The following BCAR3 variants were observed in gnomAD, a reference collection of about 807,000 sequenced individuals.
The protein encoded by BCAR3 is breast cancer anti-estrogen resistance protein 3.
BCAR3 carries 37 observed loss-of-function variants against 80.1 expected under a neutral mutation model. The observed-to-expected ratio is 0.46, with a 90% confidence interval of 0.36 to 0.61. The LOEUF (loss-of-function observed/expected upper bound fraction) is 0.61. BCAR3 is among the 20% of genes least tolerant of loss of function. The pLI is 0.00. For missense variants in BCAR3, 978 were observed against 1,068.2 expected (o/e 0.92, Z 1.18); for synonymous variants, 389 against 418.9 (o/e 0.93, Z 0.87).
chr1:93,647,177 G>A (rs1214751100), intron 2 of BCAR3, among the ~76,000 whole-genome samples: 2 of 152,168 alleles, frequency 1.3e-5, no homozygotes, highest in Non-Finnish European at 2.9e-5. Context: ...ATTTAAAGAG[G>A]TATTTTTGGT....
intron 2 of BCAR3, among the ~76,000 whole-genome samples, chr1:93,830,164 TA>T (rs1282292782): frequency 6.6e-6 from 1 of 152,184 alleles, no homozygotes; most frequent in Non-Finnish European, 1.5e-5. Flanking sequence ...CTCTTTTTTT[TA>T]TAAATTACCC....
At chr1:93,839,839 G>A (rs1242187976) in intron 2 of BCAR3, among the ~76,000 whole-genome samples, 1 of 152,120 alleles carries the variant, frequency 6.6e-6, no homozygotes, top group African/African-American at 2.4e-5. Flanking sequence ...GAATACCTAA[G>A]CCCTAAACCA....
chr1:93,595,305 A>G (rs762099435), intron 3 of BCAR3, among the ~76,000 whole-genome samples: 32 of 152,312 alleles, frequency 2.1e-4, no homozygotes, highest in Non-Finnish European at 4.3e-4. Context: ...TTTAAAAGGG[A>G]AGGAGGGAAA....
Position 93,584,087 on chromosome 1 carries a change from G to C in BCAR3, c.964C>G (p.Leu322Val), listed in dbSNP as rs767210703. The C allele has an allele frequency of 6.2e-7, 1 of 1,614,148 alleles. No individual in the cohort carries two copies. ...KEKSGSQPAC[L>V]DHMQDRRALS... ...GCTCTTCTGTCCTGCATGTGATCCAGGCAGGCGGGCTGGCTACCACTCTTT... is the reference window on the plus strand; with the variant it reads ...GCTCTTCTGTCCTGCATGTGATCCACGCAGGCGGGCTGGCTACCACTCTTT... Residue 322 changes from leucine to valine, a missense_variant, in exon 6 of 12, where the codon CTG (leucine) becomes GTG (valine). By Grantham distance (32) the Leu-to-Val change is conservative. Transcript: ENST00000260502.
chr1:93,566,657 A>C (rs1019547093), intron 11 of BCAR3, among the ~76,000 whole-genome samples: 2 of 152,156 alleles, frequency 1.3e-5, no homozygotes, highest in Non-Finnish European at 2.9e-5. Context: ...TGAGGTCTGG[A>C]TAAAACTCCA....
intron 2 of BCAR3, among the ~76,000 whole-genome samples, chr1:93,771,379 A>G (rs543478251): frequency 2.0e-5 from 3 of 152,354 alleles, no homozygotes; most frequent in African/African-American, 4.8e-5. Flanking sequence ...AACTTGGCAC[A>G]TGAAGTCATC....
At chr1:93,574,745 A>G (rs1210257151) in intron 8 of BCAR3, among the ~76,000 whole-genome samples, 1 of 152,220 alleles carries the variant, frequency 6.6e-6, no homozygotes, top group African/African-American at 2.4e-5. Context: ...CCCCTAGGGC[A>G]GGAGGGAAAA....
chr1:93,620,064 G>C (rs1382999181), intron 3 of BCAR3, among the ~76,000 whole-genome samples: 1 of 152,170 alleles, frequency 6.6e-6, no homozygotes, highest in Non-Finnish European at 1.5e-5. Context: ...CCCTTCGAAA[G>C]AAGGGACAAC....
intron 2 of BCAR3, among the ~76,000 whole-genome samples, chr1:93,790,768 G>C (rs2100775024): frequency 8.9e-6 from 1 of 112,492 alleles, no homozygotes; most frequent in East Asian, 2.7e-4. Context: ...GTGTCATCTA[G>C]CATTAGGTAT....
At chr1:93,643,316 G>T (rs1050926761) in intron 2 of BCAR3, among the ~76,000 whole-genome samples, 120 of 151,320 alleles carry the variant, frequency 7.9e-4, no homozygotes, top group African/African-American at 2.6e-3. Flanking sequence ...TTTGAGGTCA[G>T]GAGTTGGAGA....
At chr1:93,683,726 G>A (rs1028897181), upstream of BCAR3, among the ~76,000 whole-genome samples, 3 of 152,178 alleles carry the variant, frequency 2.0e-5, no homozygotes, top group Non-Finnish European at 2.9e-5. Context: ...TTCAAAAATA[G>A]TCAAAGCATA....
Position 93,824,891 on chromosome 1 carries a change from G to T in BCAR3, c.-63+20676C>A, listed in dbSNP as rs1444302006. 2.2e-5 allele frequency among the ~76,000 whole-genome samples: 3 copies of T among 133,748 alleles called. 1 individual carries two copies. Among genetic ancestry groups the T allele is most frequent in the Non-Finnish European group, 5.1e-5 (3 of 59,358 alleles). 87.7% of individuals were successfully genotyped at this position (133,748 alleles called of 152,430 possible). ...TCTGTGTGCCCAGGTGGTCTGGGGG[G>T]ACCATCCCTCTCCACGGAATATCCA... On this transcript the variant is annotated intron_variant, in intron 2 of 13. Transcript: ENST00000370244.
At position 93,801,989 on chromosome 1, in the gene BCAR3, G is replaced by A. The variant is rs374721147; in HGVS notation, c.-63+43578C>T. 3.9e-4 allele frequency among the ~76,000 whole-genome samples: 60 copies of A among 152,164 alleles called. No individual in the cohort carries two copies. In the South Asian group the frequency reaches 7.7e-3, roughly 19 times the overall value. ...AAAAATTAGCTGGGTGTGGCAGCAC[G>A]TGCCTGTAATCCCAGCTCCTCAGGA... On this transcript the variant is annotated intron_variant, in intron 2 of 13. Transcript: ENST00000370244.
At chr1:93,564,896 A>G (rs755859406) in intron 11 of BCAR3, among the ~76,000 whole-genome samples, 12 of 152,042 alleles carry the variant, frequency 7.9e-5, no homozygotes, top group Non-Finnish European at 1.8e-4. Flanking sequence ...TGTTCAGGCA[A>G]CTCTTTTAAA....
chr1:93,707,535 C>A (rs182542986), intron 2 of BCAR3, among the ~76,000 whole-genome samples: 5 of 152,084 alleles, frequency 3.3e-5, no homozygotes, highest in African/African-American at 1.2e-4. Flanking sequence ...CATGGTGAAA[C>A]CTCATCTCTA....
intron 2 of BCAR3, among the ~76,000 whole-genome samples, chr1:93,762,134 A>G (rs1488408121): frequency 1.3e-5 from 2 of 152,160 alleles, no homozygotes; most frequent in Non-Finnish European, 2.9e-5. Context: ...TTTTTCCTTC[A>G]AGCTCTCTCT....
intron 1 of BCAR3, among the ~76,000 whole-genome samples, chr1:93,675,593 C>A (rs1027901048): frequency 6.6e-6 from 1 of 152,072 alleles, no homozygotes; most frequent in African/African-American, 2.4e-5. Flanking sequence ...ACATGGCCCC[C>A]ACAGAGGGGT....
At chr1:93,774,519 G>A (rs1036418624) in intron 2 of BCAR3, among the ~76,000 whole-genome samples, 1 of 150,948 alleles carries the variant, frequency 6.6e-6, no homozygotes, top group Non-Finnish European at 1.5e-5. Context: ...ACCAAACTAT[G>A]TACATTTTGA....
chr1:93,729,765 C>G (rs1049808466), intron 2 of BCAR3, among the ~76,000 whole-genome samples: 1 of 152,170 alleles, frequency 6.6e-6, no homozygotes, highest in Non-Finnish European at 1.5e-5. Flanking sequence ...GCTGTGAGCC[C>G]TCAGTGGGCA....
Sources: gnomAD v4.1 joint callset for allele counts (sites outside exome capture counted in the v4.1 genomes callset) on GRCh38, gnomAD v4.1.1 for gene constraint, MANE v1.5 for transcripts, NCBI Gene and HGNC (gene_info 2026-07-23, HGNC 2026-07-21) for gene names.